The following LHFPL4 variants were observed in gnomAD, a reference collection of about 807,000 sequenced individuals.
The protein encoded by LHFPL4 is LHFPL tetraspan subfamily member 4.
Under a neutral mutation model 20.0 loss-of-function variants are expected in LHFPL4, and 6 were observed. That is an observed-to-expected ratio of 0.30 (90% CI 0.16 to 0.59). The LOEUF is 0.59. Ranked by LOEUF, LHFPL4 falls within the 20% of genes least tolerant of loss-of-function variation. The pLI, the probability that LHFPL4 is intolerant of heterozygous loss-of-function variation, is 0.88. For synonymous variants in LHFPL4, 129 were observed against 143.8 expected (o/e 0.90, Z 0.74); for missense variants, 215 against 331.2 (o/e 0.65, Z 2.72).
intron 2 of LHFPL4, among the ~76,000 whole-genome samples, chr3:9,508,791 C>T (rs1169226299): frequency 6.6e-6 from 1 of 152,212 alleles, no homozygotes; most frequent in African/African-American, 2.4e-5. Context: ...GAGGAGTGGT[C>T]TCAGCCCCAG....
intron 2 of LHFPL4, among the ~76,000 whole-genome samples, chr3:9,514,007 C>G (rs149773752): frequency 7.9e-5 from 12 of 152,268 alleles, no homozygotes; most frequent in South Asian, 2.1e-4. Flanking sequence ...CCATCTATAA[C>G]AAGGGACCAA....
chr3:9,519,746 G>T lies in LHFPL4; in HGVS notation c.407-13543C>A, dbSNP rs563283268. Among the ~76,000 whole-genome samples, 7 of 152,078 alleles carry T rather than the reference G, an allele frequency of 4.6e-5. 1 individual carries two copies. The East Asian group carries it at 1.2e-3, about 25-fold the overall frequency. On this transcript the variant is annotated intron_variant, in intron 2 of 3. Coordinates refer to ENST00000287585, the MANE Select transcript of LHFPL4 (RefSeq NM_198560.3). ...GCTAATTTTTTTCGTTAGAGATGAGGTCTCCCTATGGTGCCCAGGTTGTTC... is the reference window on the plus strand; with the variant it reads ...GCTAATTTTTTTCGTTAGAGATGAGTTCTCCCTATGGTGCCCAGGTTGTTC...
intron 1 of LHFPL4, among the ~76,000 whole-genome samples, chr3:9,553,149 T>C (rs1281777478): frequency 6.6e-6 from 1 of 150,736 alleles, no homozygotes; most frequent in African/African-American, 2.4e-5. Context: ...GAAGGGAATT[T>C]GGGGACTGGT....
chr3:9,536,586 C>T (rs2046445906), intron 2 of LHFPL4, among the ~76,000 whole-genome samples: 1 of 152,186 alleles, frequency 6.6e-6, no homozygotes, highest in African/African-American at 2.4e-5. Context: ...CCACAGTCAC[C>T]TTCAAACTAG....
intron 2 of LHFPL4, among the ~76,000 whole-genome samples, chr3:9,523,865 T>C (rs2046356382): frequency 6.6e-6 from 1 of 152,186 alleles, no homozygotes. Flanking sequence ...GAACACTTCT[T>C]GCAAAGCAGG....
chr3:9,535,179 A>T (rs1453881771), intron 2 of LHFPL4, among the ~76,000 whole-genome samples: 1 of 152,230 alleles, frequency 6.6e-6, no homozygotes, highest in Non-Finnish European at 1.5e-5. Context: ...TAAAAATAAC[A>T]CACAACATAA....
chr3:9,505,509 A>G (rs1342594875), intron 3 of LHFPL4, among the ~76,000 whole-genome samples: 1 of 151,726 alleles, frequency 6.6e-6, no homozygotes, highest in Non-Finnish European at 1.5e-5. Context: ...GCTGGAGTGC[A>G]GTGGCGCAAT....
rs2046180011 is a variant in LHFPL4 at position 9,502,010 on chromosome 3, C to T, written c.*201G>A. On this transcript the variant is annotated 3_prime_UTR_variant, in exon 4 of 4. Coordinates refer to ENST00000287585, the MANE Select transcript of LHFPL4 (RefSeq NM_198560.3). ...TTGAGGGAGGAGCAAGAATTAGACC[C>T]TCCCAAGGTTTGGAGGGCCTCTCCT... 1 of 605,424 alleles carries T rather than the reference C, an allele frequency of 1.7e-6. No homozygotes were observed. The highest frequency in any genetic ancestry group is 1.9e-5 in the African/African-American group (1 of 53,896). 37.5% of individuals were successfully genotyped at this position (605,424 alleles called of 1,614,324 possible).
At chr3:9,510,498 G>A (rs988061616) in intron 2 of LHFPL4, among the ~76,000 whole-genome samples, 1 of 151,430 alleles carries the variant, frequency 6.6e-6, no homozygotes, top group Admixed American at 6.6e-5. Context: ...CACTGGTGTA[G>A]GGGCAGAGGC....
intron 2 of LHFPL4, among the ~76,000 whole-genome samples, chr3:9,536,240 G>A (rs535611582): frequency 5.9e-5 from 9 of 152,216 alleles, no homozygotes; most frequent in African/African-American, 2.2e-4. Flanking sequence ...TCCCTACCAG[G>A]TCTGAGCACT....
At chr3:9,513,535 G>T (rs1276435071) in intron 2 of LHFPL4, among the ~76,000 whole-genome samples, 1 of 152,104 alleles carries the variant, frequency 6.6e-6, no homozygotes, top group Non-Finnish European at 1.5e-5. Context: ...GTCTTGCTAT[G>T]TTGCCCAGGC....
intron 3 of LHFPL4, among the ~76,000 whole-genome samples, chr3:9,503,817 G>C (rs969874237): frequency 1.3e-5 from 2 of 152,178 alleles, no homozygotes; most frequent in African/African-American, 4.8e-5. Context: ...CTTGAAGCCA[G>C]GAGTTCAAGA....
chr3:9,552,825 G>A lies in LHFPL4; in HGVS notation c.-146C>T, dbSNP rs1421844774. The A allele has an allele frequency of 3.9e-5, 10 of 259,576 alleles. No homozygotes were observed. Among genetic ancestry groups the A allele is most frequent in the Non-Finnish European group, 5.7e-5 (9 of 159,058 alleles). 16.1% of individuals were successfully genotyped at this position (259,576 alleles called of 1,614,324 possible). Reference sequence around the variant, plus strand: ...ACCCGCGAGGGCGGGGCCTGGGGCAGAGCTGGGGGCGTCTGGGAGCTGCTA... The same window carrying A: ...ACCCGCGAGGGCGGGGCCTGGGGCAAAGCTGGGGGCGTCTGGGAGCTGCTA... On this transcript the variant is annotated 5_prime_UTR_variant, in exon 2 of 4. Transcript: ENST00000287585.
chr3:9,533,380 A>G (rs2046422915), intron 2 of LHFPL4, among the ~76,000 whole-genome samples: 1 of 152,228 alleles, frequency 6.6e-6, no homozygotes, highest in South Asian at 2.1e-4. Flanking sequence ...TACAGCAGTG[A>G]AGACGGACAA....
chr3:9,542,914 C>T (rs1020487407), intron 2 of LHFPL4, among the ~76,000 whole-genome samples: 6 of 151,178 alleles, frequency 4.0e-5, no homozygotes, highest in Non-Finnish European at 8.8e-5. Context: ...TTGCTTAGGG[C>T]TGAGAAGGAA....
rs1348481796 is a variant in LHFPL4 at position 9,552,312 on chromosome 3, G to C, written c.368C>G (p.Thr123Arg). 1 of 1,613,320 alleles carries C rather than the reference G, an allele frequency of 6.2e-7. No individual in the cohort carries two copies. The highest frequency in any genetic ancestry group is 8.5e-7 in the Non-Finnish European group (1 of 1,179,630). ...FSLFFFCNTA[T>R]VYKICAWMQL... ...CATCCAGGCGCAGATCTTGTAGACC[G>C]TAGCCGTGTTGCAGAAGAAGAAAAG... Residue 123 changes from threonine to arginine, a missense_variant, in exon 2 of 4, where the codon ACG becomes AGG. Thr to Arg is a moderately conservative substitution (Grantham distance 71). Transcript: ENST00000287585.
At position 9,533,225 on chromosome 3, in the gene LHFPL4, G is replaced by C. The variant is rs868333414; in HGVS notation, c.406+19049C>G. Among the ~76,000 whole-genome samples the C allele has an allele frequency of 1.1e-4, 16 of 152,294 alleles. No homozygotes were observed. In the South Asian group the frequency reaches 1.2e-3, roughly 12 times the overall value. ...CCCTCTTTTCAGGCTGTCCCCAGCT[G>C]AACTGTGTAGATGAGTTCACCAAAA... On this transcript the variant is annotated intron_variant, in intron 2 of 3. Coordinates refer to ENST00000287585, the MANE Select transcript of LHFPL4 (RefSeq NM_198560.3).
intron 2 of LHFPL4, among the ~76,000 whole-genome samples, chr3:9,530,010 T>C (rs945642139): frequency 6.8e-6 from 1 of 147,772 alleles, no homozygotes; most frequent in African/African-American, 2.6e-5. Flanking sequence ...TGTAAACACA[T>C]GTGCTGTCAT....
At chr3:9,529,035 CTT>C (rs142620234) in intron 2 of LHFPL4, among the ~76,000 whole-genome samples, 2,821 of 144,678 alleles carry the variant, frequency 0.019, 92 homozygotes, top group African/African-American at 0.067. Flanking sequence ...CACCAATGTT[CTT>C]TTTTTTTTTT....
Sources: gnomAD v4.1 joint callset for allele counts (sites outside exome capture counted in the v4.1 genomes callset) on GRCh38, gnomAD v4.1.1 for gene constraint, MANE v1.5 for transcripts, NCBI Gene and HGNC (gene_info 2026-07-23, HGNC 2026-07-21) for gene names.